SOS2: variants seen among roughly 807,000 people sequenced by gnomAD.
SOS2 encodes the protein son of sevenless homolog 2.
Under a neutral mutation model 148.2 loss-of-function variants are expected in SOS2, and 65 were observed. The ratio of observed to expected loss-of-function variants is 0.44; its 90% CI spans 0.36 to 0.54. The LOEUF (loss-of-function observed/expected upper bound fraction) is 0.54, where lower values mean the gene tolerates loss of function less well. Among genes scored for constraint, SOS2 ranks in the 20% least tolerant of loss-of-function variants. SOS2 has a pLI of 0.00. For synonymous variants in SOS2, 539 were observed against 537.1 expected (o/e 1.00, Z -0.05); for missense variants, 1,341 against 1,590.2 (o/e 0.84, Z 2.67).
chr14:50,118,306 A>G lies in SOS2; in HGVS notation c.*38T>C. The G allele has an allele frequency of 6.6e-7, 1 of 1,508,872 alleles. No individual in the cohort carries two copies. The highest frequency in any genetic ancestry group is 8.9e-7 in the Non-Finnish European group (1 of 1,120,176). The allele number at this position is 1,508,872 out of a possible 1,614,324, so 93.5% of individuals were successfully genotyped here. On this transcript the variant is annotated 3_prime_UTR_variant, in exon 23 of 23. Coordinates refer to ENST00000216373, the MANE Select transcript of SOS2 (RefSeq NM_006939.4). ...AATAAATTAAAAAAAAAACTTTACA[A>G]ATACCATTCCAGTGTCAATGACTAC...
chr14:50,190,223 T>A (rs531366206), intron 4 of SOS2, among the ~76,000 whole-genome samples: 1 of 152,208 alleles, frequency 6.6e-6, no homozygotes, highest in Admixed American at 6.6e-5. Context: ...AATTATATAT[T>A]TAAGACTGAC....
chr14:50,143,927 G>A (rs1412429470), intron 16 of SOS2, among the ~76,000 whole-genome samples: 2 of 149,708 alleles, frequency 1.3e-5, no homozygotes, highest in Middle Eastern at 3.2e-3. Flanking sequence ...CCAAAGTGTT[G>A]GGATTACAGG....
chr14:50,217,746 G>T (rs1268606577), intron 1 of SOS2, among the ~76,000 whole-genome samples: 1 of 151,254 alleles, frequency 6.6e-6, no homozygotes, highest in Non-Finnish European at 1.5e-5. Flanking sequence ...CACGAGGTCA[G>T]GAGATCAAGA....
At chr14:50,176,541 A>G (rs1885528168) in intron 7 of SOS2, among the ~76,000 whole-genome samples, 1 of 152,378 alleles carries the variant, frequency 6.6e-6, no homozygotes, top group African/African-American at 2.4e-5. Flanking sequence ...TCCTCTGATA[A>G]TAACAGGAGC....
Position 50,150,036 on chromosome 14 carries a change from G to A in SOS2, c.2356C>T (p.Leu786=), listed in dbSNP as rs1884611451. Reference sequence around the variant, plus strand: ...TAAAGATCAGACTCCAAAAGTGTCAGCTGACGTGCAATTTCTATTGGATGA... The same window carrying A: ...TAAAGATCAGACTCCAAAAGTGTCAACTGACGTGCAATTTCTATTGGATGA... ...TLHPIEIARQ[L]TLLESDLYRK... Residue 786 remains leucine (L), a synonymous_variant, in exon 14 of 23, where the codon CTG becomes TTG. Transcript: ENST00000216373. The A allele has an allele frequency of 3.7e-6, 6 of 1,612,842 alleles. No homozygotes were observed. Among genetic ancestry groups the A allele is most frequent in the Non-Finnish European group, 5.1e-6 (6 of 1,178,848 alleles).
At chr14:50,218,413 C>T (rs1349210023) in intron 1 of SOS2, among the ~76,000 whole-genome samples, 2 of 151,664 alleles carry the variant, frequency 1.3e-5, no homozygotes, top group Non-Finnish European at 1.5e-5. Context: ...ATCCCAGCTA[C>T]TTGGGAGGCT....
intron 18 of SOS2, among the ~76,000 whole-genome samples, chr14:50,138,364 C>T (rs533733078): frequency 4.0e-5 from 6 of 151,190 alleles, no homozygotes; most frequent in African/African-American, 1.5e-4. Flanking sequence ...TTTCGCCATG[C>T]TGCCCAGGCT....
intron 6 of SOS2, 114 bp from the exon 7 acceptor site, chr14:50,180,796 T>C (rs1371511237): frequency 8.5e-6 from 5 of 590,952 alleles, no homozygotes; most frequent in East Asian, 3.2e-5. Flanking sequence ...TGAGCTATGA[T>C]TGTGCCACTA....
chr14:50,129,756 T>C (rs1394677616), intron 21 of SOS2, among the ~76,000 whole-genome samples: 1 of 152,218 alleles, frequency 6.6e-6, no homozygotes, highest in Non-Finnish European at 1.5e-5. Context: ...TTCAAGGCCA[T>C]ACAGCCCTTA....
chr14:50,205,499 A>G (rs1886630725), intron 1 of SOS2, among the ~76,000 whole-genome samples: 1 of 152,188 alleles, frequency 6.6e-6, no homozygotes, highest in African/African-American at 2.4e-5. Context: ...TTTTATTTGA[A>G]GTCTCAAAAT....
chr14:50,209,680 A>G (rs1595026278), intron 1 of SOS2, among the ~76,000 whole-genome samples: 1 of 151,324 alleles, frequency 6.6e-6, no homozygotes, highest in African/African-American at 2.4e-5. Flanking sequence ...GATCACCTGA[A>G]CCCGGAGGTC....
At position 50,187,972 on chromosome 14, in the gene SOS2, T is replaced by A. The variant is rs139304675; in HGVS notation, c.714+525A>T. ...TCAGAACTGCATAACGGAAAATGAT[T>A]TCACCCCAGTATAAACCTCCTTCTA... On this transcript the variant is annotated intron_variant, in intron 5 of 22. Transcript: ENST00000216373. Among the ~76,000 whole-genome samples the A allele has an allele frequency of 4.6e-5, 7 of 152,276 alleles. No homozygotes were observed. In the East Asian group the frequency reaches 1.4e-3, roughly 29 times the overall value.
At chr14:50,231,007 C>T in intron 1 of SOS2, 190 bp downstream of exon 1, 1 of 741,004 alleles carries the variant, frequency 1.3e-6, no homozygotes, top group African/African-American at 2.0e-5. Context: ...CCTTCCGGGA[C>T]CAGGCAAAAA....
At chr14:50,131,476 T>A (rs191635040) in intron 19 of SOS2, among the ~76,000 whole-genome samples, 42 of 152,344 alleles carry the variant, frequency 2.8e-4, no homozygotes, top group African/African-American at 9.9e-4. Flanking sequence ...TAACTATGCA[T>A]GACTTTCATT....
At chr14:50,135,307 T>A (rs562318734) in intron 18 of SOS2, among the ~76,000 whole-genome samples, 1 of 151,444 alleles carries the variant, frequency 6.6e-6, no homozygotes, top group Non-Finnish European at 1.5e-5. Flanking sequence ...AAAAAAAGCC[T>A]AATAAATAAA....
chr14:50,140,676 A>G (rs1490569380), intron 16 of SOS2, among the ~76,000 whole-genome samples: 2 of 152,176 alleles, frequency 1.3e-5, no homozygotes, highest in Admixed American at 1.3e-4. Flanking sequence ...CTTTTATTCA[A>G]TACTATACAG....
chr14:50,131,203 A>C (rs1883855005), intron 19 of SOS2, among the ~76,000 whole-genome samples: 1 of 152,150 alleles, frequency 6.6e-6, no homozygotes, highest in Admixed American at 6.5e-5. Context: ...TTGATGCTTT[A>C]AAAATCTTTG....
intron 5 of SOS2, among the ~76,000 whole-genome samples, chr14:50,184,864 C>CAAAAAAAA (rs34039045): frequency 1.8e-5 from 1 of 57,128 alleles, no homozygotes; most frequent in African/African-American, 6.5e-5. Context: ...ACCCTGTCTC[C>CAAAAAAAA]AAAAAAAAAA....
At chr14:50,149,986 G>A in intron 14 of SOS2, 22 bp downstream of exon 14, 1 of 1,454,372 alleles carries the variant, frequency 6.9e-7, no homozygotes, top group Non-Finnish European at 9.7e-7. Flanking sequence ...AATAAAGCAA[G>A]ACATTAACAT....
Sources: allele counts gnomAD v4.1 joint callset (sites outside exome capture counted in the v4.1 genomes callset), GRCh38; gene constraint gnomAD v4.1.1; transcripts MANE v1.5; gene names NCBI Gene and HGNC (gene_info 2026-07-23, HGNC 2026-07-21).